Variants in CCDC106 observed in about 807,000 individuals in gnomAD.
CCDC106 encodes coiled-coil domain containing 106, also known as coiled-coil domain-containing protein 106.
Under a neutral mutation model 24.7 loss-of-function variants are expected in CCDC106, and 17 were observed. That is an observed-to-expected ratio of 0.69 (90% CI 0.47 to 1.03). CCDC106 has a LOEUF of 1.03. Ranked by LOEUF, CCDC106 falls within the 50% of genes least tolerant of loss-of-function variation. The pLI is 0.00. For synonymous variants in CCDC106, 211 were observed against 161.3 expected (o/e 1.31, Z -2.34); for missense variants, 337 against 388.9 (o/e 0.87, Z 1.12).
At position 55,650,083 on chromosome 19, in the gene CCDC106, C is replaced by T. The variant is rs957510555; in HGVS notation, c.313+499C>T. Among the ~76,000 whole-genome samples the T allele has an allele frequency of 3.9e-5, 6 of 152,126 alleles. No homozygotes were observed. In the East Asian group the frequency reaches 1.2e-3, roughly 29 times the overall value. On this transcript the variant is annotated intron_variant, in intron 3 of 4. Coordinates refer to ENST00000586790, the MANE Select transcript of CCDC106 (RefSeq NM_001370470.1). ...CCCTCCCCTCTGTGACACCAGGGGC[C>T]ATCTTCCCACCCACCCTGTCCCATC...
chr19:55,649,596 G>C lies in CCDC106; in HGVS notation c.313+12G>C, dbSNP rs900612683. 9 of 1,610,978 alleles carry C rather than the reference G, an allele frequency of 5.6e-6. No homozygotes were observed. The highest frequency in any genetic ancestry group is 5.9e-6 in the Non-Finnish European group (7 of 1,178,148). ...TCGGATGGAGGCAGGTGTGTGTGGG[G>C]TGCTCTGATCCACATGCCTCCCTGT... On this transcript the variant is annotated intron_variant, in intron 3 of 4. Transcript: ENST00000586790.
intron 3 of CCDC106, 33 bp from the exon 4 acceptor site, chr19:55,651,250 C>A (rs536663437): frequency 1.3e-6 from 2 of 1,517,028 alleles, no homozygotes; most frequent in South Asian, 2.2e-5. Context: ...ATGTCTGGTC[C>A]CTTGGTTCAT....
chr19:55,651,225 G>A (rs1316568990), intron 3 of CCDC106, 58 bp from the exon 4 acceptor site: 18 of 1,338,640 alleles, frequency 1.3e-5, no homozygotes, highest in African/African-American at 7.2e-5. Flanking sequence ...TCTCAGTCCC[G>A]GGACCTGTGA....
Position 55,649,198 on chromosome 19 carries a change from T to C in CCDC106, c.32-7T>C. Reference sequence around the variant, plus strand: ...CTCTGGGGTAACCCGGGGCCTCTCCTCTCCAGTGAAGGACGATGAGACCTT... The same window carrying C: ...CTCTGGGGTAACCCGGGGCCTCTCCCCTCCAGTGAAGGACGATGAGACCTT... On this transcript the variant is annotated splice_polypyrimidine_tract_variant and splice_region_variant and intron_variant, in intron 1 of 4. Coordinates refer to ENST00000586790, the MANE Select transcript of CCDC106 (RefSeq NM_001370470.1). 6.2e-7 allele frequency: 1 copy of C among 1,613,316 alleles called. No homozygotes were observed. The highest frequency in any genetic ancestry group is 8.5e-7 in the Non-Finnish European group (1 of 1,179,248).
rs1382853909 is a variant in CCDC106 at position 55,652,615 on chromosome 19, C to T, written c.712C>T (p.Pro238Ser). The T allele has an allele frequency of 6.2e-7, 1 of 1,613,158 alleles. No individual in the cohort carries two copies. The highest frequency in any genetic ancestry group is 8.5e-7 in the Non-Finnish European group (1 of 1,179,922). Residue 238 changes from proline to serine, a missense_variant, in exon 5 of 5, where the codon CCC becomes TCC. By Grantham distance (74) the Pro-to-Ser change is moderately conservative. Coordinates refer to ENST00000586790, the MANE Select transcript of CCDC106 (RefSeq NM_001370470.1). This position sits in a 1 kb window ranked among gnomAD's most constrained non-coding sequence, Gnocchi z 5.9. ...EKLAEVGEFDPSKERLLEYSR... is the reference protein window; with the variant it reads ...EKLAEVGEFDSSKERLLEYSR... ...GCTGGCCGAGGTGGGCGAGTTCGAC[C>T]CCTCCAAGGAGCGCCTGCTCGAGTA...
At chr19:55,647,962 C>T (rs1982965215), upstream of CCDC106, 1 of 152,280 alleles carries the variant, frequency 6.6e-6, no homozygotes. Context: ...TGTTCCCTGC[C>T]TGAGCTTCGG....
chr19:55,647,825 T>C (rs185231870), upstream of CCDC106, among the ~76,000 whole-genome samples: 6 of 151,584 alleles, frequency 4.0e-5, no homozygotes, highest in Non-Finnish European at 7.4e-5. Flanking sequence ...AAAAGTAGAT[T>C]CTCCTTTCGC....
upstream of CCDC106, among the ~76,000 whole-genome samples, chr19:55,647,557 G>A (rs1568540774): frequency 6.6e-6 from 1 of 152,232 alleles, no homozygotes; most frequent in Non-Finnish European, 1.5e-5. Flanking sequence ...AGAAGGGCTT[G>A]TAATTTCCCC....
At chr19:55,650,671 C>T (rs1407221025) in intron 3 of CCDC106, among the ~76,000 whole-genome samples, 1 of 152,222 alleles carries the variant, frequency 6.6e-6, no homozygotes, top group Admixed American at 6.5e-5. Context: ...GCCACTGTCT[C>T]CTCTCACTGA....
Position 55,652,652 on chromosome 19 carries a change from G to A in CCDC106, c.749G>A (p.Cys250Tyr). 1 of 1,613,290 alleles carries A rather than the reference G, an allele frequency of 6.2e-7. No individual in the cohort carries two copies. Among genetic ancestry groups the A allele is most frequent in the Non-Finnish European group, 8.5e-7 (1 of 1,179,922 alleles). Residue 250 changes from cysteine to tyrosine, a missense_variant, in exon 5 of 5, where the codon TGC becomes TAC. Cys to Tyr is a radical substitution (Grantham distance 194, BLOSUM62 -2). This residue lies in a region of CCDC106 where 103 missense variants were observed against 152.4 expected (regional missense o/e 0.68). Transcript: ENST00000586790. The surrounding 1 kb of genome is among the most constrained non-coding windows in gnomAD (Gnocchi z 5.9). ...KERLLEYSRR[C>Y]FLALDDETLK... ...CGCCTGCTCGAGTACTCCCGCCGCT[G>A]CTTTCTGGCCCTGGACGACGAGACG...
rs910437117 is a variant in CCDC106, at chr19:55,648,303, C to T, written c.-744C>T. ...GTGGGTGAGCGCGGGGGGCCTCGGC[C>T]CCTCGGACCCCGGGCACCCGCGGGC... On this transcript the variant is annotated 5_prime_UTR_variant, in exon 1 of 5. Coordinates refer to ENST00000586790, the MANE Select transcript of CCDC106 (RefSeq NM_001370470.1). 2 of 152,114 alleles carry T rather than the reference C, an allele frequency of 1.3e-5. No homozygotes were observed. The highest frequency in any genetic ancestry group is 2.9e-5 in the Non-Finnish European group (2 of 67,994). 9.4% of individuals were successfully genotyped at this position (152,114 alleles called of 1,614,324 possible). A position where few individuals can be genotyped will look rare whatever the true frequency, so the allele number is the denominator to read the frequency against.
chr19:55,651,921 C>T (rs1460682928), intron 4 of CCDC106, among the ~76,000 whole-genome samples: 1 of 152,144 alleles, frequency 6.6e-6, no homozygotes, highest in Non-Finnish European at 1.5e-5. Context: ...CTCGGCCTCC[C>T]AAAGTGCTGG....
Position 55,649,556 on chromosome 19 carries a change from A to G in CCDC106, c.285A>G (p.Lys95=). The G allele has an allele frequency of 4.3e-6, 7 of 1,613,998 alleles. No homozygotes were observed. Among genetic ancestry groups the G allele is most frequent in the Non-Finnish European group, 5.9e-6 (7 of 1,179,956 alleles). The change falls in exon 3 of 5, where the codon AAA becomes AAG. Residue 95 remains lysine (K), a synonymous_variant. Coordinates refer to ENST00000586790, the MANE Select transcript of CCDC106 (RefSeq NM_001370470.1). ...ERDFLRCQLD[K]FISSARMEAE... Reference sequence around the variant, plus strand: ...ACTTCCTGCGGTGCCAGCTGGACAAATTCATCTCTTCTGCTCGGATGGAGG... The same window carrying G: ...ACTTCCTGCGGTGCCAGCTGGACAAGTTCATCTCTTCTGCTCGGATGGAGG...
At position 55,649,453 on chromosome 19, in the gene CCDC106, T is replaced by C. The variant is rs373723258; in HGVS notation, c.182T>C (p.Val61Ala). 1 of 1,613,936 alleles carries C rather than the reference T, an allele frequency of 6.2e-7. No individual in the cohort carries two copies. Among genetic ancestry groups the C allele is most frequent in the Non-Finnish European group, 8.5e-7 (1 of 1,179,978 alleles). Reference sequence around the variant, plus strand: ...TCCGCCCTGGCTCTGATGAACAGCGTCAAGACCCAGCTGCACATGGCTCTG... The same window carrying C: ...TCCGCCCTGGCTCTGATGAACAGCGCCAAGACCCAGCTGCACATGGCTCTG... Reference protein sequence around the residue: ...ASSALALMNSVKTQLHMALER... With the variant: ...ASSALALMNSAKTQLHMALER... The change falls in exon 3 of 5, where the codon GTC becomes GCC. Residue 61 changes from valine to alanine, a missense_variant. Val to Ala is a moderately conservative substitution (Grantham distance 64). Around this residue, in one of 2 missense-constraint regions of CCDC106, gnomAD observed 234 missense variants for 236.5 expected, o/e 0.99. Coordinates refer to ENST00000586790, the MANE Select transcript of CCDC106 (RefSeq NM_001370470.1).
chr19:55,648,187 C>T (rs1390546643), upstream of CCDC106: 1 of 152,114 alleles, frequency 6.6e-6, no homozygotes, highest in Non-Finnish European at 1.5e-5. Flanking sequence ...GTGGGCGCTT[C>T]CCTCGGCTCC....
Position 55,648,812 on chromosome 19 carries a change from G to A in CCDC106, c.-235G>A. On this transcript the variant is annotated 5_prime_UTR_variant, in exon 1 of 5. Coordinates refer to ENST00000586790, the MANE Select transcript of CCDC106 (RefSeq NM_001370470.1). ...CAGGACCTAGGCGGCTGGGCCCCCTGCCCCTGACTCCAGGAGCCCAGGAGT... is the reference window on the plus strand; with the variant it reads ...CAGGACCTAGGCGGCTGGGCCCCCTACCCCTGACTCCAGGAGCCCAGGAGT... The A allele has an allele frequency of 3.4e-6, 2 of 589,788 alleles. No individual in the cohort carries two copies. Among genetic ancestry groups the A allele is most frequent in the South Asian group, 2.1e-5 (1 of 48,620 alleles). The allele number at this position is 589,788 out of a possible 1,614,324, so 36.5% of individuals were successfully genotyped here.
In CCDC106 at chr19:55,649,143, TG is replaced by T. The variant is rs1217949271; in HGVS notation, c.32-56del. The T allele has an allele frequency of 3.1e-6, 5 of 1,610,854 alleles. No individual in the cohort carries two copies. The South Asian group carries it at 4.4e-5, about 14-fold the overall frequency. On this transcript the variant is annotated intron_variant, in intron 1 of 4. Coordinates refer to ENST00000586790, the MANE Select transcript of CCDC106 (RefSeq NM_001370470.1). ...GCGGTCGGCTCCAGGCTGCCGTGGT[TG>T]GGGGGTGGCCTGAGAGGCCCGGGGA...
At position 55,649,424 on chromosome 19, in the gene CCDC106, G is replaced by T; in HGVS notation, c.153G>T (p.Ala51=). The T allele has an allele frequency of 6.2e-7, 1 of 1,614,026 alleles. No homozygotes were observed. Among genetic ancestry groups the T allele is most frequent in the Non-Finnish European group, 8.5e-7 (1 of 1,179,974 alleles). ...RRNFEEPPEA[A]SSALALMNSV... ...TGTCCCTAGAGCCTCCGGAGGCTGC[G>T]TCCTCCGCCCTGGCTCTGATGAACA... Residue 51 remains alanine (A), a synonymous_variant, in exon 3 of 5, where the codon GCG becomes GCT. Transcript: ENST00000586790.
At chr19:55,650,548 C>T (rs1323093419) in intron 3 of CCDC106, among the ~76,000 whole-genome samples, 1 of 152,144 alleles carries the variant, frequency 6.6e-6, no homozygotes, top group African/African-American at 2.4e-5. Context: ...CCCCAAAAAT[C>T]CTAGGCAAGG....
Sources: gnomAD v4.1 joint callset for allele counts (sites outside exome capture counted in the v4.1 genomes callset) on GRCh38, gnomAD v4.1.1 for gene constraint, gnomAD v4.1.1 regional missense constraint, Gnocchi (gnomAD v3.1) non-coding constraint, MANE v1.5 for transcripts, NCBI Gene and HGNC (gene_info 2026-07-23, HGNC 2026-07-21) for gene names.